The following WWC2 variants were observed in gnomAD, a reference collection of about 807,000 sequenced individuals.
The protein encoded by WWC2 is WW and C2 domain containing 2, also known as protein WWC2.
A neutral mutation model predicts 138.5 loss-of-function variants in WWC2; 101 were observed. That is an observed-to-expected ratio of 0.73 (90% confidence interval 0.62 to 0.86). The LOEUF (loss-of-function observed/expected upper bound fraction) is 0.86. Among genes scored for constraint, WWC2 ranks in the 40% least tolerant of loss-of-function variants. The pLI is 0.00. For missense variants in WWC2, 1,420 were observed against 1,419.4 expected (o/e 1.00, Z -0.01); for synonymous variants, 558 against 538.4 (o/e 1.04, Z -0.50).
chr4:183,243,784 T>TGC (rs1442475675), intron 5 of WWC2, among the ~76,000 whole-genome samples: 1 of 146,258 alleles, frequency 6.8e-6, no homozygotes, highest in African/African-American at 2.5e-5. Context: ...TGTGTGTGTG[T>TGC]GTGTGTGCAT....
At chr4:183,176,176 G>T (rs1663094378) in intron 1 of WWC2, among the ~76,000 whole-genome samples, 1 of 152,220 alleles carries the variant, frequency 6.6e-6, no homozygotes, top group Non-Finnish European at 1.5e-5. Flanking sequence ...AGAGCACACA[G>T]AAATATCACC....
rs541421905 is a variant in WWC2, at chr4:183,318,323, C to T, written c.*2594C>T. ...TTTGCTATTGCTTTATCTATATTGTCTTAAATATCAAAAGCTCAGGACTGA... is the reference window on the plus strand; with the variant it reads ...TTTGCTATTGCTTTATCTATATTGTTTTAAATATCAAAAGCTCAGGACTGA... On this transcript the variant is annotated 3_prime_UTR_variant, in exon 23 of 23. Transcript: ENST00000403733. 2.6e-5 allele frequency: 4 copies of T among 152,692 alleles called. No homozygotes were observed. The highest frequency in any genetic ancestry group is 2.6e-4 in the Admixed American group (4 of 15,288). The allele number at this position is 152,692 out of a possible 1,614,324, so 9.5% of individuals were successfully genotyped here. A position where few individuals can be genotyped will look rare whatever the true frequency, so the allele number is the denominator to read the frequency against.
intron 16 of WWC2, among the ~76,000 whole-genome samples, chr4:183,278,360 A>G (rs1296831472): frequency 6.6e-6 from 1 of 152,124 alleles, no homozygotes; most frequent in African/African-American, 2.4e-5. Context: ...TACCAGTACC[A>G]TGCTGTTTTG....
intron 22 of WWC2, 101 bp from the exon 23 acceptor site, chr4:183,315,562 A>G (rs1269914677): frequency 9.8e-6 from 8 of 815,736 alleles, no homozygotes; most frequent in Middle Eastern, 2.3e-4. Flanking sequence ...CTGTGCTTGC[A>G]GAGACATCAC....
intron 17 of WWC2, 53 bp downstream of exon 17, chr4:183,280,950 C>T (rs753904953): frequency 1.3e-5 from 20 of 1,514,854 alleles, no homozygotes; most frequent in East Asian, 2.5e-5. Flanking sequence ...TGTGTTTACA[C>T]GGCTTACAGT....
At chr4:183,312,030 A>G (rs978597492) in intron 21 of WWC2, among the ~76,000 whole-genome samples, 6 of 152,224 alleles carry the variant, frequency 3.9e-5, no homozygotes, top group African/African-American at 1.4e-4. Flanking sequence ...AAACAGTGCT[A>G]TGAGTAATTT....
chr4:183,144,252 G>A (rs1733385761), intron 1 of WWC2, among the ~76,000 whole-genome samples: 1 of 152,094 alleles, frequency 6.6e-6, no homozygotes, highest in South Asian at 2.1e-4. Flanking sequence ...TCATTAGTCT[G>A]AATCGGGGAG....
intron 1 of WWC2, among the ~76,000 whole-genome samples, chr4:183,164,328 TATATATATACA>T (rs1561443830): frequency 0.37 from 688 of 1,850 alleles, 60 homozygotes; most frequent in African/African-American, 0.46. Flanking sequence ...TACATATATA[TATATATATACA>T]TATATATATT....
chr4:183,232,772 C>T (rs567518469), intron 4 of WWC2, among the ~76,000 whole-genome samples: 2 of 152,194 alleles, frequency 1.3e-5, no homozygotes, highest in East Asian at 1.9e-4. Flanking sequence ...CTCAGCCTCC[C>T]GAGTAGCTGG....
At position 183,318,413 on chromosome 4, in the gene WWC2, G is replaced by A. The variant is rs1226464118; in HGVS notation, c.*2684G>A. 5.9e-5 allele frequency: 9 copies of A among 152,154 alleles called. No homozygotes were observed. Among genetic ancestry groups the A allele is most frequent in the Admixed American group, 5.2e-4 (8 of 15,244 alleles). 9.4% of individuals were successfully genotyped at this position (152,154 alleles called of 1,614,324 possible). A position where few individuals can be genotyped will look rare whatever the true frequency, so the allele number is the denominator to read the frequency against. On this transcript the variant is annotated 3_prime_UTR_variant, in exon 23 of 23. Coordinates refer to ENST00000403733, the MANE Select transcript of WWC2 (RefSeq NM_024949.6). ...GTTTTAATTTGTCTTGTTTGTAAAC[G>A]TATGCAAATACATCACATAGATTAA...
chr4:183,129,972 A>G (rs569328531), intron 1 of WWC2, among the ~76,000 whole-genome samples: 1 of 151,190 alleles, frequency 6.6e-6, no homozygotes, highest in South Asian at 2.1e-4. Context: ...CTTTTTCTCT[A>G]CTTTCAGCAC....
At chr4:183,262,610 G>C (rs139170488) in intron 11 of WWC2, among the ~76,000 whole-genome samples, 1 of 152,260 alleles carries the variant, frequency 6.6e-6, no homozygotes, top group African/African-American at 2.4e-5. Flanking sequence ...CATTTGTGTG[G>C]TTTGTGCGCC....
chr4:183,137,874 C>T (rs1444413393), intron 1 of WWC2, among the ~76,000 whole-genome samples: 2 of 152,138 alleles, frequency 1.3e-5, no homozygotes, highest in Non-Finnish European at 2.9e-5. Context: ...TGTGTGATAA[C>T]GCAGACTTGT....
At chr4:183,301,084 G>A (rs1738824936) in intron 21 of WWC2, among the ~76,000 whole-genome samples, 1 of 152,120 alleles carries the variant, frequency 6.6e-6, no homozygotes, top group Admixed American at 6.5e-5. Context: ...TGTTTTAAGA[G>A]TGATTTTTTT....
At chr4:183,122,633 C>G (rs1732637329) in intron 1 of WWC2, among the ~76,000 whole-genome samples, 1 of 152,146 alleles carries the variant, frequency 6.6e-6, no homozygotes, top group Admixed American at 6.5e-5. Flanking sequence ...GATTCTCGTG[C>G]CTCAGCCTCC....
chr4:183,284,845 C>T (rs2111065213), intron 19 of WWC2, among the ~76,000 whole-genome samples: 1 of 152,260 alleles, frequency 6.6e-6, no homozygotes, highest in Middle Eastern at 3.4e-3. Flanking sequence ...CACTGAATCA[C>T]ATCCATAGTT....
rs954800627 is a variant in WWC2, at chr4:183,319,725, G to A, written c.*3996G>A. 6.2e-7 allele frequency: 1 copy of A among 1,614,012 alleles called. No individual in the cohort carries two copies. The highest frequency in any genetic ancestry group is 8.5e-7 in the Non-Finnish European group (1 of 1,179,976). The stretch of plus-strand genomic sequence containing the variant: ...TCCAGCAAACCAGCCCAGAAACAGG[G>A]CCTCCCCAAACTCCCACCTGGGGAC... On this transcript the variant is annotated 3_prime_UTR_variant, in exon 23 of 23. Transcript: ENST00000403733.
At position 183,224,263 on chromosome 4, in the gene WWC2, A is replaced by G. The variant is rs374063652; in HGVS notation, c.522+15238A>G. Among the ~76,000 whole-genome samples, 7 of 152,288 alleles carry G rather than the reference A, an allele frequency of 4.6e-5. No individual in the cohort carries two copies. The East Asian group carries it at 1.2e-3, about 25-fold the overall frequency. ...ACCATGGGTTGTGCTGTATATATCCATCATGAAGTGCATGTCTCTTTTTTA... is the reference window on the plus strand; with the variant it reads ...ACCATGGGTTGTGCTGTATATATCCGTCATGAAGTGCATGTCTCTTTTTTA... On this transcript the variant is annotated intron_variant, in intron 4 of 22. Transcript: ENST00000403733.
intron 1 of WWC2, among the ~76,000 whole-genome samples, chr4:183,118,951 C>T (rs1035143624): frequency 2.6e-5 from 4 of 151,754 alleles, no homozygotes; most frequent in African/African-American, 4.8e-5. Context: ...CTCTCATCCT[C>T]CCCTGACAAC....
Sources: gnomAD v4.1 joint callset for allele counts (sites outside exome capture counted in the v4.1 genomes callset) on GRCh38, gnomAD v4.1.1 for gene constraint, MANE v1.5 for transcripts, NCBI Gene and HGNC (gene_info 2026-07-23, HGNC 2026-07-21) for gene names.